Variants in ZNF609 observed in about 807,000 individuals in gnomAD.
ZNF609 encodes zinc finger protein 609.
ZNF609 carries 11 observed loss-of-function variants against 109.5 expected under a neutral mutation model. That is an observed-to-expected ratio of 0.10 (90% CI 0.06 to 0.17). The LOEUF (loss-of-function observed/expected upper bound fraction) is 0.17. Among genes scored for constraint, ZNF609 ranks in the 10% least tolerant of loss-of-function variants. ZNF609 has a pLI of 1.00. For synonymous variants in ZNF609, 646 were observed against 662.0 expected, an observed-to-expected ratio of 0.98 and a Z score of 0.37; for missense variants, 1,559 against 1,772.4, an observed-to-expected ratio of 0.88 and a Z score of 2.16.
At chr15:64,656,685 CCTT>C (rs1896493217) in intron 3 of ZNF609, among the ~76,000 whole-genome samples, 1 of 151,682 alleles carries the variant, frequency 6.6e-6, no homozygotes, top group Admixed American at 6.6e-5. Flanking sequence ...CTTTCTCCTT[CCTT>C]CTTTTCTTCC....
chr15:64,677,863 A>G (rs959204651), intron 5 of ZNF609, among the ~76,000 whole-genome samples: 9 of 152,160 alleles, frequency 5.9e-5, no homozygotes, highest in Admixed American at 3.9e-4. Context: ...CCACTGATGC[A>G]TGGATGGATT....
At chr15:64,584,547 C>T (rs1385754091) in intron 2 of ZNF609, among the ~76,000 whole-genome samples, 1 of 152,056 alleles carries the variant, frequency 6.6e-6, no homozygotes, top group East Asian at 1.9e-4. Context: ...GTAATCCACC[C>T]ACCCAGCCTC....
intron 2 of ZNF609, among the ~76,000 whole-genome samples, chr15:64,527,269 C>T (rs1893980584): frequency 6.7e-6 from 1 of 148,302 alleles, no homozygotes; most frequent in Non-Finnish European, 1.5e-5. Flanking sequence ...CTATCTGAGT[C>T]GTTGTCGTCA....
intron 1 of ZNF609, among the ~76,000 whole-genome samples, chr15:64,479,593 T>C (rs1368283081): frequency 6.6e-6 from 1 of 151,786 alleles, no homozygotes; most frequent in Non-Finnish European, 1.5e-5. Context: ...GCCTGGCCCG[T>C]ACCTGTGTGA....
Position 64,678,127 on chromosome 15 carries a change from C to T in ZNF609, c.3414C>T (p.Pro1138=), listed in dbSNP as rs761410847. Residue 1138 remains proline, a synonymous_variant, in exon 6 of 10, where the codon CCC becomes CCT. Transcript: ENST00000326648. ...TGTGATTGTTGTAGGAGGCAGAGCC[C>T]CGGATGTGGACATATGTTTATCCTG... ...PILWYRQEAE[P]RMWTYVYPAK... 6.8e-6 allele frequency: 11 copies of T among 1,612,956 alleles called. 1 individual carries two copies. In the South Asian group the frequency reaches 7.7e-5, roughly 11 times the overall value.
intron 2 of ZNF609, among the ~76,000 whole-genome samples, chr15:64,574,031 C>T (rs1392860969): frequency 3.3e-5 from 5 of 152,104 alleles, no homozygotes; most frequent in African/African-American, 1.2e-4. Context: ...TCTCACCACA[C>T]CCCGCTCTTG....
intron 2 of ZNF609, among the ~76,000 whole-genome samples, chr15:64,587,256 C>T (rs1895213481): frequency 6.6e-6 from 1 of 152,174 alleles, no homozygotes; most frequent in East Asian, 1.9e-4. Context: ...TTGTACATCT[C>T]AGTGTCGAAA....
At chr15:64,622,372 G>T (rs542955995) in intron 2 of ZNF609, among the ~76,000 whole-genome samples, 1 of 152,200 alleles carries the variant, frequency 6.6e-6, no homozygotes, top group Non-Finnish European at 1.5e-5. Context: ...CCAGACTAAT[G>T]TACTGTTTGC....
intron 3 of ZNF609, among the ~76,000 whole-genome samples, chr15:64,636,950 C>T (rs536707064): frequency 2.0e-5 from 3 of 152,274 alleles, no homozygotes; most frequent in South Asian, 2.1e-4. Context: ...GCAAATTCTA[C>T]GTGTGCAAGT....
rs371859484 is a variant in ZNF609 at position 64,674,459 on chromosome 15, C to T, written c.1605C>T (p.Tyr535=). 9.5e-5 allele frequency: 153 copies of T among 1,614,020 alleles called. No homozygotes were observed. The highest frequency in any genetic ancestry group is 1.2e-4 in the Non-Finnish European group (139 of 1,180,050). The change falls in exon 5 of 10, where the codon TAC becomes TAT. Residue 535 remains tyrosine (Y), a synonymous_variant. Coordinates refer to ENST00000326648, the MANE Select transcript of ZNF609 (RefSeq NM_015042.2). ...SKPEADGDSE[Y]GEEPILHADL... ...CGGAAGCGGATGGGGACAGTGAGTA[C>T]GGAGAGGAACCTATTCTCCATGCAG... is the stretch of plus-strand genomic sequence containing the variant.
intron 2 of ZNF609, among the ~76,000 whole-genome samples, chr15:64,533,615 A>G (rs571641604): frequency 8.5e-5 from 13 of 152,098 alleles, no homozygotes; most frequent in Non-Finnish European, 1.8e-4. Flanking sequence ...TTGTGGGTTT[A>G]AGTCTTTTAA....
At chr15:64,495,856 T>G (rs1204312103) in intron 1 of ZNF609, among the ~76,000 whole-genome samples, 2 of 151,488 alleles carry the variant, frequency 1.3e-5, no homozygotes, top group Non-Finnish European at 2.9e-5. Context: ...TTTCATTCTG[T>G]CACCCAGACT....
chr15:64,565,554 T>C (rs1894762364), intron 2 of ZNF609, among the ~76,000 whole-genome samples: 1 of 152,196 alleles, frequency 6.6e-6, no homozygotes, highest in African/African-American at 2.4e-5. Flanking sequence ...TTTTTGTAAA[T>C]GAATTTATTG....
chr15:64,536,847 C>T (rs1235906866), intron 2 of ZNF609, among the ~76,000 whole-genome samples: 1 of 139,018 alleles, frequency 7.2e-6, no homozygotes, highest in African/African-American at 2.6e-5. Context: ...AAGGTTGAGG[C>T]TGCAGTGAGC....
At chr15:64,601,840 C>T (rs1245133007) in intron 2 of ZNF609, among the ~76,000 whole-genome samples, 1 of 152,208 alleles carries the variant, frequency 6.6e-6, no homozygotes, top group East Asian at 1.9e-4. Flanking sequence ...CTTGTTCTCT[C>T]CTTCCTTGGC....
rs559766407 is a variant in ZNF609, at chr15:64,534,576, A to G, written c.747+34410A>G. The stretch of plus-strand genomic sequence containing the variant: ...GTGATCTGCCCACCTTGGCCTCCCA[A>G]AGTGCTGGGATCATAGGCATGAGCC... On this transcript the variant is annotated intron_variant, in intron 2 of 9. Coordinates refer to ENST00000326648, the MANE Select transcript of ZNF609 (RefSeq NM_015042.2). Among the ~76,000 whole-genome samples the G allele has an allele frequency of 1.0e-3, 154 of 151,974 alleles. 1 individual carries two copies. Among genetic ancestry groups the G allele is most frequent in the African/African-American group, 3.6e-3 (149 of 41,490 alleles).
chr15:64,568,732 C>G (rs947487128), intron 2 of ZNF609, among the ~76,000 whole-genome samples: 2 of 152,134 alleles, frequency 1.3e-5, no homozygotes, highest in Admixed American at 6.6e-5. Flanking sequence ...TTTCACTGAA[C>G]ATTTACTGAA....
chr15:64,516,572 T>A (rs149902473), intron 2 of ZNF609, among the ~76,000 whole-genome samples: 82 of 152,204 alleles, frequency 5.4e-4, no homozygotes, highest in African/African-American at 1.8e-3. Flanking sequence ...GAGATGGGGT[T>A]TCACCATGTC....
Position 64,675,006 on chromosome 15 carries a change from AACC to A in ZNF609, c.2153_2155del (p.Asn718_Pro719delinsThr), listed in dbSNP as rs1425024892. 7.4e-6 allele frequency: 12 copies of A among 1,613,988 alleles called. No individual in the cohort carries two copies. Among genetic ancestry groups the A allele is most frequent in the African/African-American group, 1.3e-5 (1 of 74,928 alleles). On this transcript the variant is annotated inframe_deletion, in exon 5 of 10. Transcript: ENST00000326648. ...TGTTATGGGAGAACCTTTCACAGTC[AACC>A]CTGCCTTGACTCCAGCCAAGGACAA... is the stretch of plus-strand genomic sequence containing the variant.
Sources: gnomAD v4.1 joint callset for allele counts (sites outside exome capture counted in the v4.1 genomes callset) on GRCh38, gnomAD v4.1.1 for gene constraint, MANE v1.5 for transcripts, NCBI Gene and HGNC (gene_info 2026-07-23, HGNC 2026-07-21) for gene names.